Variants in RFFL observed in about 807,000 individuals in gnomAD.
RFFL encodes E3 ubiquitin-protein ligase rififylin.
RFFL carries 16 observed loss-of-function variants against 40.4 expected under a neutral mutation model. The ratio of observed to expected loss-of-function variants is 0.40; its 90% CI spans 0.27 to 0.60. The LOEUF is 0.60. Among genes scored for constraint, RFFL ranks in the 20% least tolerant of loss-of-function variants. RFFL has a pLI of 0.47. For missense variants in RFFL, 367 were observed against 451.7 expected, an observed-to-expected ratio of 0.81 and a Z score of 1.70; for synonymous variants, 154 against 167.9, an observed-to-expected ratio of 0.92 and a Z score of 0.64.
chr17:35,085,454 A>C (rs2091424642), intron 1 of RFFL, among the ~76,000 whole-genome samples: 1 of 152,162 alleles, frequency 6.6e-6, no homozygotes, highest in African/African-American at 2.4e-5. Context: ...TTTGAGATGG[A>C]GTTTCGCTCT....
rs951266065 is a variant in RFFL at position 35,006,533 on chromosome 17, A to G, written c.*5435T>C. 6.6e-6 allele frequency: 1 copy of G among 152,216 alleles called. No individual in the cohort carries two copies. The highest frequency in any genetic ancestry group is 1.5e-5 in the Non-Finnish European group (1 of 68,066). The allele number at this position is 152,216 out of a possible 1,614,324, so 9.4% of individuals were successfully genotyped here. ...AAGCACTTAGCCCAGAGCCTAGCAC[A>G]TAGTTATCTAGAGTTGGGAACGTCA... is the stretch of plus-strand genomic sequence containing the variant. On this transcript the variant is annotated 3_prime_UTR_variant, in exon 7 of 7. Coordinates refer to ENST00000394597, the MANE Select transcript of RFFL (RefSeq NM_001017368.2).
chr17:35,040,029 A>C (rs2091153623), intron 1 of RFFL, among the ~76,000 whole-genome samples: 1 of 152,084 alleles, frequency 6.6e-6, no homozygotes, highest in Non-Finnish European at 1.5e-5. Flanking sequence ...ATCTAGCTTG[A>C]GCCAACCACC....
At chr17:35,035,554 C>T (rs921302366) in intron 1 of RFFL, among the ~76,000 whole-genome samples, 1 of 151,734 alleles carries the variant, frequency 6.6e-6, no homozygotes, top group Non-Finnish European at 1.5e-5. Context: ...CCAGTGTTAA[C>T]ATACCTTAGA....
At chr17:35,045,744 C>T (rs1039086752) in intron 1 of RFFL, among the ~76,000 whole-genome samples, 5 of 151,896 alleles carry the variant, frequency 3.3e-5, no homozygotes, top group Non-Finnish European at 5.9e-5. Flanking sequence ...GCACAATTGG[C>T]GAGGCACAGT....
chr17:35,020,841 G>A (rs1023438426), intron 3 of RFFL, among the ~76,000 whole-genome samples: 6 of 152,178 alleles, frequency 3.9e-5, no homozygotes, highest in Non-Finnish European at 5.9e-5. Flanking sequence ...TGAAGAAGCA[G>A]CATGCAAGTA....
chr17:35,084,767 G>A (rs989498157), intron 1 of RFFL, among the ~76,000 whole-genome samples: 1 of 151,308 alleles, frequency 6.6e-6, no homozygotes, highest in African/African-American at 2.4e-5. Context: ...GTGGTGGTGG[G>A]TGCCTGTAAT....
At chr17:35,069,410 G>A in intron 1 of RFFL, 2 of 451,354 alleles carry the variant, frequency 4.4e-6, no homozygotes, top group South Asian at 3.1e-5. Flanking sequence ...CTTCAACCTG[G>A]TTTCTGCAGG....
intron 6 of RFFL, among the ~76,000 whole-genome samples, chr17:35,012,617 C>A (rs1367175262): frequency 6.6e-6 from 1 of 152,140 alleles, no homozygotes; most frequent in Non-Finnish European, 1.5e-5. Flanking sequence ...GATCACAAGG[C>A]TTTATCTATA....
intron 1 of RFFL, among the ~76,000 whole-genome samples, chr17:35,048,570 G>A (rs1020782726): frequency 2.0e-5 from 3 of 152,092 alleles, no homozygotes; most frequent in Non-Finnish European, 4.4e-5. Flanking sequence ...GAGGTGGTCA[G>A]AGTGGTTTAT....
chr17:35,069,273 A>G, intron 1 of RFFL: 1 of 456,628 alleles, frequency 2.2e-6, no homozygotes, highest in Non-Finnish European at 4.4e-6. Context: ...TTCCACTAAT[A>G]ATGCCCCAAG....
intron 1 of RFFL, among the ~76,000 whole-genome samples, chr17:35,040,863 T>G (rs1173912642): frequency 5.1e-5 from 2 of 39,248 alleles, no homozygotes; most frequent in East Asian, 6.2e-4. Context: ...TTTTTTTTTT[T>G]TGGTGTGTGT....
At chr17:35,077,199 A>G (rs2091381587) in intron 1 of RFFL, among the ~76,000 whole-genome samples, 1 of 151,918 alleles carries the variant, frequency 6.6e-6, no homozygotes, top group African/African-American at 2.4e-5. Flanking sequence ...CCACCAAGTC[A>G]TGAAACTTCT....
chr17:35,052,121 G>A (rs1304301984), intron 1 of RFFL, among the ~76,000 whole-genome samples: 1 of 152,148 alleles, frequency 6.6e-6, no homozygotes, highest in Non-Finnish European at 1.5e-5. Flanking sequence ...TTAACGGTTA[G>A]CAGAAGTTTC....
intron 1 of RFFL, among the ~76,000 whole-genome samples, chr17:35,083,388 C>A (rs2091412012): frequency 6.6e-6 from 1 of 152,170 alleles, no homozygotes; most frequent in South Asian, 2.1e-4. Context: ...ATGGGCTATT[C>A]TAGCAAATCA....
At chr17:35,018,471 G>C (rs1194331332) in intron 3 of RFFL, among the ~76,000 whole-genome samples, 1 of 152,158 alleles carries the variant, frequency 6.6e-6, no homozygotes, top group East Asian at 1.9e-4. Context: ...CCCTTAAGTA[G>C]ATCCTCTTCG....
At chr17:35,042,338 G>A (rs1406418389) in intron 1 of RFFL, 2 of 152,136 alleles carry the variant, frequency 1.3e-5, no homozygotes, top group African/African-American at 2.4e-5. Context: ...CCTGCCTGAG[G>A]TACCCACCCT....
At chr17:35,069,222 C>T in intron 1 of RFFL, 1 of 456,580 alleles carries the variant, frequency 2.2e-6, no homozygotes, top group South Asian at 1.5e-5. Context: ...CACACATGCC[C>T]TGCCTCCAAT....
chr17:35,078,259 G>A (rs924155335), intron 1 of RFFL, among the ~76,000 whole-genome samples: 1 of 152,010 alleles, frequency 6.6e-6, no homozygotes, highest in Non-Finnish European at 1.5e-5. Context: ...TAAAAAAAAA[G>A]GTCACGATTT....
intron 5 of RFFL, 84 bp downstream of exon 5, chr17:35,016,286 T>G: frequency 8.3e-7 from 1 of 1,203,488 alleles, no homozygotes; most frequent in Non-Finnish European, 1.2e-6. Flanking sequence ...GTGTGGAAAT[T>G]GAGTCAGGTC....
Sources: gnomAD v4.1 joint callset for allele counts (sites outside exome capture counted in the v4.1 genomes callset) on GRCh38, gnomAD v4.1.1 for gene constraint, MANE v1.5 for transcripts, NCBI Gene and HGNC (gene_info 2026-07-23, HGNC 2026-07-21) for gene names.